Variants in PDE11A observed in about 807,000 individuals in gnomAD.
PDE11A encodes the protein phosphodiesterase 11A.
A neutral mutation model predicts 100.5 loss-of-function variants in PDE11A; 100 were observed. That is an observed-to-expected ratio of 1.00 (90% CI 0.85 to 1.18). The LOEUF (loss-of-function observed/expected upper bound fraction) is 1.18. Ranked by LOEUF, PDE11A falls within the 50% of genes most tolerant of loss-of-function variation. PDE11A has a pLI of 0.00. For missense variants in PDE11A, 1,141 were observed against 1,152.6 expected, an observed-to-expected ratio of 0.99 and a Z score of 0.15; for synonymous variants, 381 against 420.8, an observed-to-expected ratio of 0.91 and a Z score of 1.16.
chr2:177,856,694 A>C lies in PDE11A; in HGVS notation c.1368-16311T>G, dbSNP rs143252247. Among the ~76,000 whole-genome samples, 1,475 of 152,240 alleles carry C rather than the reference A, an allele frequency of 9.7e-3. 21 individuals are homozygous for C. Among genetic ancestry groups the C allele is most frequent in the Middle Eastern group, 0.037 (11 of 294 alleles). On this transcript the variant is annotated intron_variant, in intron 5 of 19. Transcript: ENST00000286063. ...AGGCTACCCAACAGCATGTTTGAAA[A>C]GGCAGAAAAAAGCATCATTGAACTT...
At chr2:177,725,202 T>A (rs976096023) in intron 12 of PDE11A, among the ~76,000 whole-genome samples, 1 of 152,110 alleles carries the variant, frequency 6.6e-6, no homozygotes, top group Non-Finnish European at 1.5e-5. Flanking sequence ...TAAATTTATT[T>A]TTAGCTACAC....
At position 177,842,949 on chromosome 2, in the gene PDE11A, C is replaced by T. The variant is rs191699081; in HGVS notation, c.1368-2566G>A. Among the ~76,000 whole-genome samples the T allele has an allele frequency of 6.0e-3, 906 of 151,742 alleles. 9 individuals are homozygous for T. Among genetic ancestry groups the T allele is most frequent in the Middle Eastern group, 0.017 (5 of 292 alleles). Reference sequence around the variant, plus strand: ...TAATCCAGAGTTAGGATAATTTTCACGGAGAATAAAATGCATGAGATCACT... The same window carrying T: ...TAATCCAGAGTTAGGATAATTTTCATGGAGAATAAAATGCATGAGATCACT... On this transcript the variant is annotated intron_variant, in intron 5 of 19. Coordinates refer to ENST00000286063, the MANE Select transcript of PDE11A (RefSeq NM_016953.4).
At chr2:177,955,099 T>G (rs1331565927) in intron 2 of PDE11A, among the ~76,000 whole-genome samples, 1 of 152,216 alleles carries the variant, frequency 6.6e-6, no homozygotes, top group Non-Finnish European at 1.5e-5. Flanking sequence ...ATTTGATTCT[T>G]TTTATTAAAA....
intron 1 of PDE11A, among the ~76,000 whole-genome samples, chr2:178,041,432 T>C (rs1217967112): frequency 6.6e-6 from 1 of 151,376 alleles, no homozygotes; most frequent in Non-Finnish European, 1.5e-5. Flanking sequence ...TTAGTAGAGA[T>C]GGGGTTTAAC....
chr2:177,970,573 T>A (rs1574315586), intron 2 of PDE11A, among the ~76,000 whole-genome samples: 1 of 151,810 alleles, frequency 6.6e-6, no homozygotes, highest in African/African-American at 2.4e-5. Flanking sequence ...TGATTCAGGG[T>A]ATGTAGCATT....
At position 178,014,338 on chromosome 2, in the gene PDE11A, A is replaced by C. The variant is rs150772089; in HGVS notation, c.1035T>G (p.Ile345Met). ...CTTCAGTAAATGGAGCTCCTTCAGG[A>C]ATCTTATTTATCGCTTGGGCCACAC... is the stretch of plus-strand genomic sequence containing the variant. ...IIGVAQAINKIPEGAPFTEDD... is the reference protein window; with the variant it reads ...IIGVAQAINKMPEGAPFTEDD... Residue 345 changes from isoleucine (I) to methionine (M), a missense_variant, in exon 2 of 20, where the codon ATT (isoleucine) becomes ATG (methionine). Transcript: ENST00000286063. 56 of 1,613,146 alleles carry C rather than the reference A, an allele frequency of 3.5e-5. No homozygotes were observed. The highest frequency in any genetic ancestry group is 4.2e-5 in the Non-Finnish European group (50 of 1,179,272).
chr2:177,799,087 G>A (rs780826175), intron 9 of PDE11A, among the ~76,000 whole-genome samples: 15 of 152,156 alleles, frequency 9.9e-5, no homozygotes, highest in East Asian at 7.7e-4. Flanking sequence ...TGGTGTAATC[G>A]TGAGGAAAAC....
chr2:177,752,309 A>C (rs180694293), intron 10 of PDE11A, among the ~76,000 whole-genome samples: 85 of 152,320 alleles, frequency 5.6e-4, no homozygotes, highest in African/African-American at 2.0e-3. Flanking sequence ...TTACTCAAAA[A>C]ATACGTAGGT....
At chr2:177,798,494 T>C (rs1427169130) in intron 9 of PDE11A, among the ~76,000 whole-genome samples, 3 of 152,220 alleles carry the variant, frequency 2.0e-5, no homozygotes, top group African/African-American at 7.2e-5. Flanking sequence ...ATGGTTTCCA[T>C]TAAAGTGTTT....
intron 1 of PDE11A, among the ~76,000 whole-genome samples, chr2:178,069,883 G>A (rs2087102670): frequency 6.6e-6 from 1 of 152,116 alleles, no homozygotes; most frequent in Non-Finnish European, 1.5e-5. Context: ...AATCAATTGG[G>A]GATGAAGTTC....
chr2:178,041,038 C>G (rs1230859414), intron 1 of PDE11A, among the ~76,000 whole-genome samples: 2 of 152,058 alleles, frequency 1.3e-5, no homozygotes, highest in Non-Finnish European at 2.9e-5. Flanking sequence ...CTCCCAGGCT[C>G]AAGTGATCCT....
At chr2:178,085,012 C>A (rs1359363413) in intron 2 of PDE11A, among the ~76,000 whole-genome samples, 1 of 152,124 alleles carries the variant, frequency 6.6e-6, no homozygotes, top group Non-Finnish European at 1.5e-5. Flanking sequence ...GTGGGAATGT[C>A]CATATAGGTA....
At chr2:177,837,876 A>T (rs1407163307) in intron 6 of PDE11A, among the ~76,000 whole-genome samples, 1 of 152,224 alleles carries the variant, frequency 6.6e-6, no homozygotes, top group Non-Finnish European at 1.5e-5. Context: ...TACGGGATTT[A>T]AAAGGACTTT....
chr2:177,865,868 G>A (rs1314121103), intron 5 of PDE11A, among the ~76,000 whole-genome samples: 1 of 152,112 alleles, frequency 6.6e-6, no homozygotes, highest in East Asian at 1.9e-4. Flanking sequence ...GAGGGGAGTG[G>A]CTGCTAATGG....
At chr2:177,752,484 T>C (rs1411668351) in intron 10 of PDE11A, among the ~76,000 whole-genome samples, 1 of 152,220 alleles carries the variant, frequency 6.6e-6, no homozygotes, top group Non-Finnish European at 1.5e-5. Flanking sequence ...ATTTGTCTCA[T>C]AGAGTTGTGA....
At chr2:177,828,163 A>G (rs904292569) in intron 6 of PDE11A, among the ~76,000 whole-genome samples, 4 of 152,220 alleles carry the variant, frequency 2.6e-5, no homozygotes, top group Non-Finnish European at 5.9e-5. Flanking sequence ...AATTTAAAGC[A>G]CAAATAAAAT....
intron 3 of PDE11A, chr2:177,899,460 A>G (rs1376381442): frequency 9.1e-6 from 2 of 219,104 alleles, no homozygotes; most frequent in Non-Finnish European, 2.0e-5. Context: ...AAAACATTTT[A>G]TAAATAATGA....
intron 2 of PDE11A, among the ~76,000 whole-genome samples, chr2:177,921,357 T>C (rs192700639): frequency 6.6e-5 from 10 of 151,540 alleles, no homozygotes; most frequent in African/African-American, 2.2e-4. Context: ...GGATGCATAA[T>C]ACATACAACT....
intron 2 of PDE11A, among the ~76,000 whole-genome samples, chr2:177,969,029 C>T (rs889720816): frequency 1.3e-5 from 2 of 151,268 alleles, no homozygotes; most frequent in African/African-American, 2.4e-5. Flanking sequence ...AAATGTCCAT[C>T]GATGATAGAC....
Sources: allele counts gnomAD v4.1 joint callset (sites outside exome capture counted in the v4.1 genomes callset), GRCh38; gene constraint gnomAD v4.1.1; transcripts MANE v1.5; gene names NCBI Gene and HGNC (gene_info 2026-07-23, HGNC 2026-07-21).